The following SNX29 variants were observed in gnomAD, a reference collection of about 807,000 sequenced individuals.
SNX29 encodes sorting nexin-29.
SNX29 carries 78 observed loss-of-function variants against 102.1 expected under a neutral mutation model. That is an observed-to-expected ratio of 0.76 (90% CI 0.64 to 0.92). The LOEUF (loss-of-function observed/expected upper bound fraction) is 0.92. Among genes scored for constraint, SNX29 ranks in the 40% least tolerant of loss-of-function variants. The pLI, the probability that SNX29 is intolerant of heterozygous loss-of-function variation, is 0.00. For synonymous variants in SNX29, 580 were observed against 414.5 expected, an observed-to-expected ratio of 1.40 and a Z score of -4.85; for missense variants, 1,280 against 1,061.7, an observed-to-expected ratio of 1.21 and a Z score of -2.86.
rs747713241 is a variant in SNX29, at chr16:12,002,961, C to T, written c.70-30C>T. On this transcript the variant is annotated intron_variant, in intron 2 of 20. Transcript: ENST00000566228. ...CGTTTTGAGTGTCCCATCCCAACAGCTGATCTCAGCAGCTTCTTTTTCTGT... is the reference window on the plus strand; with the variant it reads ...CGTTTTGAGTGTCCCATCCCAACAGTTGATCTCAGCAGCTTCTTTTTCTGT... 3.1e-6 allele frequency: 5 copies of T among 1,613,988 alleles called. No homozygotes were observed. The African/African-American group carries it at 4.0e-5, about 13-fold the overall frequency.
chr16:12,157,559 G>T lies in SNX29; in HGVS notation c.1595+27801G>T, dbSNP rs550612019. 2.6e-5 allele frequency among the ~76,000 whole-genome samples: 4 copies of T among 152,264 alleles called. No homozygotes were observed. The South Asian group carries it at 8.3e-4, about 32-fold the overall frequency. On this transcript the variant is annotated intron_variant, in intron 13 of 20. Coordinates refer to ENST00000566228, the MANE Select transcript of SNX29 (RefSeq NM_032167.5). ...AGGCCACTGTGTAGCACCATGTAAA[G>T]GGTCTTATGCCTTTACATTGACACG...
chr16:12,547,892 G>A (rs528464696), intron 20 of SNX29, among the ~76,000 whole-genome samples: 2 of 152,236 alleles, frequency 1.3e-5, no homozygotes, highest in Admixed American at 6.5e-5. Flanking sequence ...CAGTTCTAGG[G>A]CTGTATAGGA....
chr16:12,292,848 A>G (rs764523535), intron 15 of SNX29, among the ~76,000 whole-genome samples: 1 of 152,174 alleles, frequency 6.6e-6, no homozygotes, highest in Non-Finnish European at 1.5e-5. Context: ...CAGTGGCTCT[A>G]GTGTTAGTTA....
chr16:12,286,795 A>T (rs569248550), intron 15 of SNX29, among the ~76,000 whole-genome samples: 2 of 152,090 alleles, frequency 1.3e-5, no homozygotes, highest in Non-Finnish European at 2.9e-5. Flanking sequence ...CCCACCCATC[A>T]AACCTCAGCC....
chr16:12,435,562 C>G (rs2085497959), intron 18 of SNX29, among the ~76,000 whole-genome samples: 1 of 152,226 alleles, frequency 6.6e-6, no homozygotes, highest in Non-Finnish European at 1.5e-5. Context: ...TGGGACATAG[C>G]TGTTTCAGGA....
intron 15 of SNX29, among the ~76,000 whole-genome samples, chr16:12,326,146 C>G (rs1355044006): frequency 6.6e-6 from 1 of 151,868 alleles, no homozygotes; most frequent in Non-Finnish European, 1.5e-5. Context: ...GTGCCTGGGA[C>G]TACATGCACG....
chr16:11,998,277 G>A (rs1294192533), intron 1 of SNX29, among the ~76,000 whole-genome samples: 3 of 152,244 alleles, frequency 2.0e-5, no homozygotes, highest in Admixed American at 6.5e-5. Context: ...ATCATACTCC[G>A]GGCTTTGTAT....
At chr16:12,403,255 T>TGG (rs200446987) in intron 17 of SNX29, among the ~76,000 whole-genome samples, 193 bp from the exon 18 acceptor site, 2,191 of 100,642 alleles carry the variant, frequency 0.022, 23 homozygotes, top group Middle Eastern at 0.05. Context: ...TGTGTGTGTG[T>TGG]AGAGAGAGAC....
intron 19 of SNX29, among the ~76,000 whole-genome samples, chr16:12,505,478 A>T (rs77258976): frequency 0.031 from 4,679 of 152,310 alleles, 164 homozygotes; most frequent in East Asian, 0.18. Flanking sequence ...TGATCTAAAC[A>T]TCCTTATGCC....
chr16:12,370,945 C>A (rs529924291), intron 16 of SNX29, among the ~76,000 whole-genome samples: 1 of 152,336 alleles, frequency 6.6e-6, no homozygotes, highest in East Asian at 1.9e-4. Flanking sequence ...CTGGAAATAA[C>A]CTCTTCTTGA....
intron 19 of SNX29, chr16:12,515,493 C>G (rs2089823476): frequency 2.1e-6 from 1 of 486,806 alleles, no homozygotes. Context: ...CCATTCGCTT[C>G]TCCTTGCCTC....
At chr16:12,490,247 C>T (rs1049319528) in intron 19 of SNX29, among the ~76,000 whole-genome samples, 1 of 152,176 alleles carries the variant, frequency 6.6e-6, no homozygotes, top group African/African-American at 2.4e-5. Flanking sequence ...AGAGCCTTGT[C>T]TTGTTAAAGG....
intron 13 of SNX29, among the ~76,000 whole-genome samples, chr16:12,193,089 C>A (rs1404342659): frequency 6.6e-6 from 1 of 152,214 alleles, no homozygotes; most frequent in Non-Finnish European, 1.5e-5. Flanking sequence ...CCTGCCTCAG[C>A]CTTCCTAAGT....
intron 7 of SNX29, 145 bp downstream of exon 7, chr16:12,048,765 C>G: frequency 7.2e-6 from 10 of 1,397,622 alleles, no homozygotes; most frequent in Non-Finnish European, 9.9e-6. Flanking sequence ...TGTTTCTCAT[C>G]CTCATTCACT....
rs772079564 is a variant in SNX29 at position 12,048,445 on chromosome 16, C to A, written c.573C>A (p.Thr191=). Residue 191 remains threonine (T), a synonymous_variant, in exon 7 of 21, where the codon ACC becomes ACA. Coordinates refer to ENST00000566228, the MANE Select transcript of SNX29 (RefSeq NM_032167.5). Reference sequence around the variant, plus strand: ...ACGGGCAGAGTAAGTTTGCTCCCACCGTTTCAGACCTCTTAAAGGAGTCAA... The same window carrying A: ...ACGGGCAGAGTAAGTTTGCTCCCACAGTTTCAGACCTCTTAAAGGAGTCAA... ...DLNGQSKFAP[T]VSDLLKESTQ... 2 of 1,613,928 alleles carry A rather than the reference C, an allele frequency of 1.2e-6. No individual in the cohort carries two copies. Among genetic ancestry groups the A allele is most frequent in the South Asian group, 1.1e-5 (1 of 91,072 alleles).
intron 18 of SNX29, among the ~76,000 whole-genome samples, chr16:12,430,788 T>A (rs1453637359): frequency 6.6e-6 from 1 of 152,104 alleles, no homozygotes; most frequent in Admixed American, 6.5e-5. Flanking sequence ...GAGAGACACC[T>A]TAGTCCACTT....
At chr16:12,454,141 G>A (rs924686591) in intron 18 of SNX29, among the ~76,000 whole-genome samples, 7 of 152,156 alleles carry the variant, frequency 4.6e-5, no homozygotes, top group African/African-American at 1.4e-4. Context: ...CCTCATCTGC[G>A]TGGTACATGC....
intron 19 of SNX29, among the ~76,000 whole-genome samples, chr16:12,504,148 A>G (rs1036843541): frequency 6.6e-6 from 1 of 151,842 alleles, no homozygotes; most frequent in African/African-American, 2.4e-5. Flanking sequence ...TCGATGGAAT[A>G]GTATAATATG....
chr16:12,371,137 G>C (rs1434078996), intron 16 of SNX29, among the ~76,000 whole-genome samples: 1 of 152,228 alleles, frequency 6.6e-6, no homozygotes, highest in Admixed American at 6.5e-5. Context: ...CAAAGCGGTG[G>C]TTGGGGATGC....
Sources: allele counts gnomAD v4.1 joint callset (sites outside exome capture counted in the v4.1 genomes callset), GRCh38; gene constraint gnomAD v4.1.1; transcripts MANE v1.5; gene names NCBI Gene and HGNC (gene_info 2026-07-23, HGNC 2026-07-21).